Variants in EFCAB3 observed in about 807,000 individuals in gnomAD.
EFCAB3 encodes the protein EF-hand calcium-binding domain-containing protein 3.
Under a neutral mutation model 42.2 loss-of-function variants are expected in EFCAB3, and 36 were observed. The ratio of observed to expected loss-of-function variants is 0.85; its 90% CI spans 0.65 to 1.13. The LOEUF (loss-of-function observed/expected upper bound fraction) is 1.13, where lower values mean the gene tolerates loss of function less well. EFCAB3 is among the 50% of genes most tolerant of loss of function. The pLI, the probability that EFCAB3 is intolerant of heterozygous loss-of-function variation, is 0.00. For missense variants in EFCAB3, 418 were observed against 505.1 expected (o/e 0.83, Z 1.65); for synonymous variants, 170 against 172.8 (o/e 0.98, Z 0.13).
rs1166938948 is a variant in EFCAB3 at position 62,391,809 on chromosome 17, C to T, written c.152-13C>T. 8 of 1,612,638 alleles carry T rather than the reference C, an allele frequency of 5.0e-6. No individual in the cohort carries two copies. The Admixed American group carries it at 1.0e-4, about 20-fold the overall frequency. ...GAACAACTGTCCTGAATAACTTAATCCTATCTCCCCAGCTTTCCAAGATGC... is the reference window on the plus strand; with the variant it reads ...GAACAACTGTCCTGAATAACTTAATTCTATCTCCCCAGCTTTCCAAGATGC... On this transcript the variant is annotated splice_polypyrimidine_tract_variant and intron_variant, in intron 3 of 9. Transcript: ENST00000305286.
At chr17:62,392,263 T>TATATATATAGACTTAAAGGGACACACAC (rs2070309999) in intron 4 of EFCAB3, among the ~76,000 whole-genome samples, 1 of 149,794 alleles carries the variant, frequency 6.7e-6, no homozygotes, top group Non-Finnish European at 1.5e-5. Context: ...CACACACACA[T>TATATATATAGACTTAAAGGGACACACAC]ATATATATAG....
At chr17:62,393,983 C>G (rs1480998242) in intron 5 of EFCAB3, among the ~76,000 whole-genome samples, 1 of 148,160 alleles carries the variant, frequency 6.7e-6, no homozygotes, top group Middle Eastern at 3.2e-3. Flanking sequence ...GAGACGGAGT[C>G]TTGCTCTGTC....
chr17:62,378,919 A>G (rs752709231), upstream of EFCAB3, among the ~76,000 whole-genome samples: 1 of 149,800 alleles, frequency 6.7e-6, no homozygotes, highest in African/African-American at 2.5e-5. Context: ...AACTTAAAGT[A>G]TAACAAAAAA....
At chr17:62,392,234 T>C (rs1415916083) in intron 4 of EFCAB3, among the ~76,000 whole-genome samples, 1 of 150,774 alleles carries the variant, frequency 6.6e-6, no homozygotes. Context: ...TATATCCATA[T>C]ATCTATGTAT....
At chr17:62,415,881 T>C (rs189007777) in intron 9 of EFCAB3, 122 bp from the exon 10 acceptor site, 45 of 814,690 alleles carry the variant, frequency 5.5e-5, no homozygotes, top group Non-Finnish European at 8.4e-5. Context: ...CACCACCTAA[T>C]GTATAGATTC....
chr17:62,406,206 T>TA (rs746302431), intron 6 of EFCAB3, among the ~76,000 whole-genome samples: 2 of 151,136 alleles, frequency 1.3e-5, no homozygotes, highest in African/African-American at 2.4e-5. Flanking sequence ...CATCTCTCTC[T>TA]AAAAAAAACA....
At chr17:62,390,623 G>A (rs1173031088) in intron 3 of EFCAB3, among the ~76,000 whole-genome samples, 1 of 152,186 alleles carries the variant, frequency 6.6e-6, no homozygotes, top group Non-Finnish European at 1.5e-5. Flanking sequence ...TGGAAAGCAT[G>A]CAATCAATAT....
chr17:62,394,402 T>A (rs983226931), intron 5 of EFCAB3, among the ~76,000 whole-genome samples: 10 of 152,138 alleles, frequency 6.6e-5, no homozygotes, highest in African/African-American at 2.4e-4. Context: ...AAAAATACCT[T>A]CCCCACACTG....
intron 6 of EFCAB3, chr17:62,397,886 A>G (rs1039302945): frequency 1.2e-4 from 34 of 274,308 alleles, no homozygotes; most frequent in Admixed American, 3.7e-4. Flanking sequence ...TTAGCCAGGC[A>G]TGGTGGAGGG....
intron 8 of EFCAB3, among the ~76,000 whole-genome samples, chr17:62,408,999 A>G (rs1204916964): frequency 6.6e-6 from 1 of 152,182 alleles, no homozygotes; most frequent in Non-Finnish European, 1.5e-5. Flanking sequence ...TTGTCATTGT[A>G]CTAAATGCCA....
chr17:62,376,500 T>C (rs2070151895), upstream of EFCAB3, among the ~76,000 whole-genome samples: 2 of 152,170 alleles, frequency 1.3e-5, no homozygotes. Flanking sequence ...TATATAAGTA[T>C]TAAGGGACAA....
chr17:62,371,865 G>A (rs2070117049), intron 1 of EFCAB3, among the ~76,000 whole-genome samples: 1 of 151,852 alleles, frequency 6.6e-6, no homozygotes, highest in Non-Finnish European at 1.5e-5. Flanking sequence ...TTTTTGTTCT[G>A]ATATCCCAGA....
upstream of EFCAB3, among the ~76,000 whole-genome samples, chr17:62,375,884 A>G (rs763413447): frequency 2.6e-5 from 4 of 152,100 alleles, no homozygotes; most frequent in South Asian, 2.1e-4. Context: ...CTCTAAAAAT[A>G]TATTTTTTTC....
intron 1 of EFCAB3, among the ~76,000 whole-genome samples, chr17:62,380,997 A>AT (rs1038691284): frequency 6.6e-6 from 1 of 152,072 alleles, no homozygotes; most frequent in Admixed American, 6.5e-5. Context: ...TACACTCTAC[A>AT]TTTTTTTATT....
At position 62,387,413 on chromosome 17, in the gene EFCAB3, G is replaced by A; in HGVS notation, c.148G>A (p.Ala50Thr). ...AAAGAAGCTAAGTGCTTCACAAATGGCAGGTAATGAGAATCATCCTCAAAA... is the reference window on the plus strand; with the variant it reads ...AAAGAAGCTAAGTGCTTCACAAATGACAGGTAATGAGAATCATCCTCAAAA... ...KEKKLSASQM[A>T]AFQDAYNFFY... Residue 50 changes from alanine to threonine, a missense_variant, in exon 3 of 10, where the codon GCA (alanine) becomes ACA (threonine). Ala to Thr is a moderately conservative substitution (Grantham distance 58). Transcript: ENST00000305286. The A allele has an allele frequency of 1.2e-6, 2 of 1,610,358 alleles. No individual in the cohort carries two copies. Among genetic ancestry groups the A allele is most frequent in the Non-Finnish European group, 1.7e-6 (2 of 1,177,916 alleles).
At chr17:62,411,649 C>T (rs1256026153) in intron 8 of EFCAB3, among the ~76,000 whole-genome samples, 2 of 152,042 alleles carry the variant, frequency 1.3e-5, no homozygotes, top group Non-Finnish European at 2.9e-5. Flanking sequence ...TGCCTGTAAT[C>T]CCAGCTACTT....
At chr17:62,406,360 G>C (rs1287137247) in intron 6 of EFCAB3, 120 bp from the exon 7 acceptor site, 4 of 757,728 alleles carry the variant, frequency 5.3e-6, no homozygotes, top group Non-Finnish European at 8.2e-6. Flanking sequence ...ATTATTGAAT[G>C]AATATGCAAA....
chr17:62,391,026 A>T (rs938488879), intron 3 of EFCAB3, among the ~76,000 whole-genome samples: 1 of 152,222 alleles, frequency 6.6e-6, no homozygotes, highest in Non-Finnish European at 1.5e-5. Context: ...AATTTGACAA[A>T]TTAGTTTTCT....
At chr17:62,377,882 A>C (rs569781918), upstream of EFCAB3, 8 of 1,100,830 alleles carry the variant, frequency 7.3e-6, no homozygotes, top group South Asian at 1.5e-5. Context: ...ATCTGGGGAA[A>C]AAAATAAGAT....
Sources: gnomAD v4.1 joint callset for allele counts (sites outside exome capture counted in the v4.1 genomes callset) on GRCh38, gnomAD v4.1.1 for gene constraint, MANE v1.5 for transcripts, NCBI Gene and HGNC (gene_info 2026-07-23, HGNC 2026-07-21) for gene names.